Variants in METAP1D observed in about 807,000 individuals in gnomAD.
METAP1D encodes methionine aminopeptidase 1D, mitochondrial.
A neutral mutation model predicts 40.5 loss-of-function variants in METAP1D; 31 were observed. That is an observed-to-expected ratio of 0.77 (90% CI 0.58 to 1.03). The LOEUF (loss-of-function observed/expected upper bound fraction) is 1.03, where lower values mean the gene tolerates loss of function less well. Ranked by LOEUF, METAP1D falls within the 50% of genes least tolerant of loss-of-function variation. METAP1D has a pLI of 0.00. For synonymous variants in METAP1D, 151 were observed against 146.4 expected, an observed-to-expected ratio of 1.03 and a Z score of -0.22; for missense variants, 411 against 420.7, an observed-to-expected ratio of 0.98 and a Z score of 0.20.
At chr2:172,046,056 T>A (rs1348880746) in intron 1 of METAP1D, among the ~76,000 whole-genome samples, 7 of 150,320 alleles carry the variant, frequency 4.7e-5, no homozygotes, top group Admixed American at 1.3e-4. Context: ...TTATTTTTTT[T>A]AATTACACTT....
At chr2:172,036,044 A>G (rs144317468) in intron 1 of METAP1D, among the ~76,000 whole-genome samples, 5,392 of 152,078 alleles carry the variant, frequency 0.035, 125 homozygotes, top group Non-Finnish European at 0.058. Context: ...ATGGCTGGGC[A>G]TGATGGTTCA....
At chr2:172,055,921 G>T (rs1183344527) in intron 1 of METAP1D, among the ~76,000 whole-genome samples, 6 of 152,092 alleles carry the variant, frequency 3.9e-5, no homozygotes, top group Non-Finnish European at 8.8e-5. Context: ...CTGTCATTTG[G>T]CAGGACAGGT....
intron 7 of METAP1D, 53 bp from the exon 8 acceptor site, chr2:172,079,162 T>C (rs1451663305): frequency 2.9e-5 from 46 of 1,592,266 alleles, no homozygotes; most frequent in Non-Finnish European, 3.9e-5. Context: ...TCTGTTTTTT[T>C]TTTCTGTCCT....
chr2:172,045,489 C>T (rs57391529), intron 1 of METAP1D, among the ~76,000 whole-genome samples: 1,707 of 85,686 alleles, frequency 0.02, 171 homozygotes, highest in African/African-American at 0.05. Flanking sequence ...GGAGAAACCC[C>T]GTCTCTACTA....
At chr2:172,051,398 C>T (rs184350728) in intron 1 of METAP1D, among the ~76,000 whole-genome samples, 5 of 152,180 alleles carry the variant, frequency 3.3e-5, no homozygotes, top group African/African-American at 1.2e-4. Flanking sequence ...AATACAGATG[C>T]CTGTGTGCTG....
chr2:172,079,708 C>T (rs1690652871), intron 8 of METAP1D, among the ~76,000 whole-genome samples: 1 of 152,062 alleles, frequency 6.6e-6, no homozygotes, highest in Non-Finnish European at 1.5e-5. Flanking sequence ...AATGGAGAAG[C>T]AATTAGAGTG....
chr2:172,042,990 C>A (rs189404748), intron 1 of METAP1D, among the ~76,000 whole-genome samples: 7 of 115,834 alleles, frequency 6.0e-5, no homozygotes, highest in African/African-American at 1.9e-4. Flanking sequence ...CATATGTGTG[C>A]GTGTGTACAC....
intron 1 of METAP1D, among the ~76,000 whole-genome samples, chr2:172,053,133 A>G (rs1689924875): frequency 6.6e-6 from 1 of 152,260 alleles, no homozygotes; most frequent in Non-Finnish European, 1.5e-5. Context: ...TGTACAAGTT[A>G]TGAAACATGT....
intron 1 of METAP1D, among the ~76,000 whole-genome samples, chr2:172,024,762 G>GTGTGTA (rs1553491383): frequency 0.054 from 8,142 of 150,416 alleles, 840 homozygotes; most frequent in East Asian, 0.51. Flanking sequence ...GTGTGTGTGT[G>GTGTGTA]TGTGTGTGTG....
chr2:172,018,039 A>G (rs111676152), intron 1 of METAP1D, among the ~76,000 whole-genome samples: 27,379 of 150,570 alleles, frequency 0.18, 2,802 homozygotes, highest in Non-Finnish European at 0.24. Flanking sequence ...AGGCAGGAGA[A>G]TCGCTTGAAC....
intron 1 of METAP1D, among the ~76,000 whole-genome samples, chr2:172,055,126 T>C (rs774198155): frequency 1.3e-5 from 2 of 152,174 alleles, no homozygotes; most frequent in Non-Finnish European, 2.9e-5. Context: ...TTGCCCCTTG[T>C]AGTAATTAGT....
At chr2:172,036,113 C>T (rs188734857) in intron 1 of METAP1D, among the ~76,000 whole-genome samples, 192 of 151,812 alleles carry the variant, frequency 1.3e-3, no homozygotes, top group Middle Eastern at 3.4e-3. Flanking sequence ...GTCAGGAGAT[C>T]AAGACCATCC....
At chr2:172,061,125 G>C (rs548787917) in intron 1 of METAP1D, among the ~76,000 whole-genome samples, 1 of 152,292 alleles carries the variant, frequency 6.6e-6, no homozygotes, top group African/African-American at 2.4e-5. Flanking sequence ...CGGCTTTACA[G>C]AGTATAAAGC....
chr2:172,067,441 T>G (rs149460990), intron 5 of METAP1D, among the ~76,000 whole-genome samples: 1 of 152,228 alleles, frequency 6.6e-6, no homozygotes, highest in Non-Finnish European at 1.5e-5. Context: ...TGCTATTTCC[T>G]GTATCATTTT....
chr2:172,022,875 C>CA (rs1167430580), intron 1 of METAP1D, among the ~76,000 whole-genome samples: 2 of 152,126 alleles, frequency 1.3e-5, no homozygotes, highest in African/African-American at 4.8e-5. Flanking sequence ...TTTGTCTTGA[C>CA]AAAAAATTAT....
At chr2:172,001,140 T>C (rs1688451981) in intron 1 of METAP1D, among the ~76,000 whole-genome samples, 1 of 152,162 alleles carries the variant, frequency 6.6e-6, no homozygotes, top group Admixed American at 6.5e-5. Flanking sequence ...AACATGACTC[T>C]AATTTTTTTT....
At chr2:172,013,788 A>G (rs767082363) in intron 1 of METAP1D, among the ~76,000 whole-genome samples, 1 of 151,442 alleles carries the variant, frequency 6.6e-6, no homozygotes, top group African/African-American at 2.4e-5. Flanking sequence ...ATTTGTAAAT[A>G]TATTTATAAC....
intron 1 of METAP1D, among the ~76,000 whole-genome samples, chr2:172,040,958 T>C (rs1228191282): frequency 6.6e-6 from 1 of 151,726 alleles, no homozygotes; most frequent in East Asian, 2.0e-4. Context: ...TGTGTATTTT[T>C]AGTTTCACCA....
At chr2:172,000,073 T>G (rs1688422064) in intron 1 of METAP1D, 64 bp downstream of exon 1, 1 of 1,248,670 alleles carries the variant, frequency 8.0e-7, no homozygotes, top group Non-Finnish European at 1.0e-6. Flanking sequence ...CGCACCCGGG[T>G]CCAAAGGGAT....
Sources: gnomAD v4.1 joint callset for allele counts (sites outside exome capture counted in the v4.1 genomes callset) on GRCh38, gnomAD v4.1.1 for gene constraint, MANE v1.5 for transcripts, NCBI Gene and HGNC (gene_info 2026-07-23, HGNC 2026-07-21) for gene names.